Variants in CALD1 observed in about 807,000 individuals in gnomAD.
CALD1 encodes caldesmon 1.
Under a neutral mutation model 99.9 loss-of-function variants are expected in CALD1, and 33 were observed. That is an observed-to-expected ratio of 0.33 (90% CI 0.25 to 0.44). The LOEUF (loss-of-function observed/expected upper bound fraction) is 0.44, where lower values mean the gene tolerates loss of function less well. CALD1 is among the 20% of genes least tolerant of loss of function. CALD1 has a pLI of 1.00. For synonymous variants in CALD1, 310 were observed against 325.0 expected (o/e 0.95, Z 0.50); for missense variants, 861 against 962.1 (o/e 0.89, Z 1.39).
intron 1 of CALD1, among the ~76,000 whole-genome samples, chr7:134,749,452 T>C (rs1016062299): frequency 1.1e-4 from 17 of 152,150 alleles, no homozygotes; most frequent in Non-Finnish European, 1.8e-4. Flanking sequence ...AAACCCCATC[T>C]CTACTAAAAA....
chr7:134,913,562 G>C (rs1803980606), intron 3 of CALD1, among the ~76,000 whole-genome samples: 1 of 152,116 alleles, frequency 6.6e-6, no homozygotes, highest in Admixed American at 6.5e-5. Context: ...ACGTATAAAT[G>C]TATATGCATA....
At chr7:134,751,181 C>A (rs1459606845) in intron 1 of CALD1, among the ~76,000 whole-genome samples, 4 of 152,320 alleles carry the variant, frequency 2.6e-5, no homozygotes, top group African/African-American at 9.6e-5. Context: ...CCATAAGCCT[C>A]ATTTTTCTCC....
chr7:134,894,835 C>T lies in CALD1; in HGVS notation c.71+27031C>T, dbSNP rs556232065. ...TGGTACTTTTATCATTTTCCCAAAG[C>T]CTAAGGAAGTTTACTTGCAACAAGA... is the stretch of plus-strand genomic sequence containing the variant. On this transcript the variant is annotated intron_variant, in intron 3 of 14. Coordinates refer to ENST00000361675, the MANE Select transcript of CALD1 (RefSeq NM_033138.4). Among the ~76,000 whole-genome samples, 8 of 152,200 alleles carry T rather than the reference C, an allele frequency of 5.3e-5. No individual in the cohort carries two copies. In the East Asian group the frequency reaches 1.5e-3, roughly 29 times the overall value.
At chr7:134,730,920 C>T in the CALD1 span, among the ~76,000 whole-genome samples, 6 of 152,088 alleles carry the variant, frequency 3.9e-5, no homozygotes, top group Non-Finnish European at 8.8e-5. Flanking sequence ...CCCCACCTAT[C>T]CTACCTCATT....
chr7:134,863,573 T>A (rs1739499830), intron 2 of CALD1, among the ~76,000 whole-genome samples: 1 of 152,200 alleles, frequency 6.6e-6, no homozygotes, highest in Non-Finnish European at 1.5e-5. Context: ...CTAAAATGGC[T>A]TATCTGCCAC....
intron 1 of CALD1, among the ~76,000 whole-genome samples, chr7:134,751,878 G>A (rs1056206815): frequency 6.6e-6 from 1 of 152,150 alleles, no homozygotes; most frequent in African/African-American, 2.4e-5. Context: ...TTGGGAGGCT[G>A]AGGTGGGATG....
chr7:134,793,684 A>G (rs1459994864), intron 1 of CALD1, among the ~76,000 whole-genome samples: 1 of 152,052 alleles, frequency 6.6e-6, no homozygotes, highest in Non-Finnish European at 1.5e-5. Context: ...AGGGGCAGTT[A>G]ATAATTTCCC....
At chr7:134,763,025 C>T (rs577274705) in intron 1 of CALD1, among the ~76,000 whole-genome samples, 2 of 152,206 alleles carry the variant, frequency 1.3e-5, no homozygotes, top group East Asian at 3.9e-4. Flanking sequence ...GATCTAGGAC[C>T]ATATCTCTAT....
At position 134,960,598 on chromosome 7, in the gene CALD1, T is replaced by A; in HGVS notation, c.2265T>A (p.Asp755Glu). The A allele has an allele frequency of 6.2e-7, 1 of 1,613,166 alleles. No individual in the cohort carries two copies. Among genetic ancestry groups the A allele is most frequent in the Non-Finnish European group, 8.5e-7 (1 of 1,179,104 alleles). Residue 755 changes from aspartate (D) to glutamate (E), a missense_variant, in exon 13 of 15, where the codon GAT becomes GAA. Physicochemically the swap from Asp to Glu is conservative, Grantham distance 45. This residue lies in a region of CALD1 where 190 missense variants were observed against 249.0 expected (regional missense o/e 0.76). Coordinates refer to ENST00000361675, the MANE Select transcript of CALD1 (RefSeq NM_033138.4). ...RINEWLTKTP[D>E]GNKSPAPKPS... is the part of the protein sequence containing the mutation. ...ATGAATGGCTAACTAAAACCCCAGATGGAAACAAGTCACCTGCTCCCAAAC... is the reference window on the plus strand; with the variant it reads ...ATGAATGGCTAACTAAAACCCCAGAAGGAAACAAGTCACCTGCTCCCAAAC...
intron 1 of CALD1, among the ~76,000 whole-genome samples, chr7:134,789,933 C>A (rs1350199339): frequency 6.6e-6 from 1 of 151,726 alleles, no homozygotes; most frequent in Non-Finnish European, 1.5e-5. Context: ...TCTATGCTGC[C>A]TTTAACATTT....
At position 134,918,212 on chromosome 7, in the gene CALD1, T is replaced by C. The variant is rs377723991; in HGVS notation, c.72-10542T>C. Among the ~76,000 whole-genome samples, 217 of 152,296 alleles carry C rather than the reference T, an allele frequency of 1.4e-3. 1 individual carries two copies. Among genetic ancestry groups the C allele is most frequent in the African/African-American group, 4.9e-3 (205 of 41,576 alleles). ...AAATAGCAACTCAATAAAAGATAAA[T>C]CCAGTTTCTATTCATTTTATTTGTA... On this transcript the variant is annotated intron_variant, in intron 3 of 14. Coordinates refer to ENST00000361675, the MANE Select transcript of CALD1 (RefSeq NM_033138.4).
intron 2 of CALD1, among the ~76,000 whole-genome samples, chr7:134,865,746 T>C (rs1800776257): frequency 6.6e-6 from 1 of 152,126 alleles, no homozygotes; most frequent in Non-Finnish European, 1.5e-5. Flanking sequence ...CATGTGCATC[T>C]CCAGCCTGCT....
chr7:134,813,241 C>G (rs143830948), intron 1 of CALD1, among the ~76,000 whole-genome samples: 49 of 152,258 alleles, frequency 3.2e-4, no homozygotes, highest in Non-Finnish European at 5.7e-4. Flanking sequence ...ATAGAGACAA[C>G]ATTTTCAGAA....
chr7:134,802,324 A>G (rs1797977990), intron 1 of CALD1, among the ~76,000 whole-genome samples: 1 of 152,172 alleles, frequency 6.6e-6, no homozygotes, highest in Non-Finnish European at 1.5e-5. Context: ...ATGGAATCAA[A>G]TAGTATATAT....
chr7:134,911,932 T>G lies in CALD1; in HGVS notation c.72-16822T>G, dbSNP rs1286055368. On this transcript the variant is annotated intron_variant, in intron 3 of 14. Transcript: ENST00000361675. Reference sequence around the variant, plus strand: ...AAATAACTGGAACAACCACAGAGATTTCAGAGGCATTAAAGAGCTCCTTCT... The same window carrying G: ...AAATAACTGGAACAACCACAGAGATGTCAGAGGCATTAAAGAGCTCCTTCT... Among the ~76,000 whole-genome samples the G allele has an allele frequency of 2.0e-5, 3 of 152,062 alleles. No individual in the cohort carries two copies. The East Asian group carries it at 5.8e-4, about 29-fold the overall frequency.
the CALD1 span, among the ~76,000 whole-genome samples, chr7:134,721,109 G>A: frequency 1.3e-5 from 2 of 152,106 alleles, no homozygotes; most frequent in East Asian, 3.9e-4. Flanking sequence ...GCTATAGGCC[G>A]CTGGAACAGG....
At chr7:134,808,524 A>T (rs1340733474) in intron 1 of CALD1, among the ~76,000 whole-genome samples, 2 of 152,240 alleles carry the variant, frequency 1.3e-5, no homozygotes, top group African/African-American at 4.8e-5. Flanking sequence ...TAGTCAGGCC[A>T]GAAAGTTTCA....
intron 3 of CALD1, among the ~76,000 whole-genome samples, chr7:134,904,044 G>A (rs371389645): frequency 4.6e-5 from 7 of 151,834 alleles, no homozygotes; most frequent in South Asian, 2.1e-4. Flanking sequence ...TCAACATGGC[G>A]AAACCCCGTC....
At chr7:134,925,209 C>T (rs1177192254) in intron 3 of CALD1, among the ~76,000 whole-genome samples, 1 of 151,918 alleles carries the variant, frequency 6.6e-6, no homozygotes, top group Non-Finnish European at 1.5e-5. Context: ...ATCGGTTGTT[C>T]AGGTTGCTCC....
Sources: allele counts gnomAD v4.1 joint callset (sites outside exome capture counted in the v4.1 genomes callset), GRCh38; gene constraint gnomAD v4.1.1; regional missense constraint gnomAD v4.1.1; transcripts MANE v1.5; gene names NCBI Gene and HGNC (gene_info 2026-07-23, HGNC 2026-07-21).